PDE4D: variants seen among roughly 807,000 people sequenced by gnomAD.
PDE4D encodes phosphodiesterase 4D.
In PDE4D, 24 loss-of-function variants were observed where a neutral mutation model predicts 87.4. That is an observed-to-expected ratio of 0.27 (90% CI 0.20 to 0.39). The LOEUF is 0.39. Ranked by LOEUF, PDE4D falls within the 10% of genes least tolerant of loss-of-function variation. The pLI is 1.00. For missense variants in PDE4D, 714 were observed against 1,041.0 expected (o/e 0.69, Z 4.32); for synonymous variants, 384 against 383.2 (o/e 1.00, Z -0.02).
chr5:59,557,163 G>A (rs1819085328), intron 1 of PDE4D, among the ~76,000 whole-genome samples: 1 of 152,094 alleles, frequency 6.6e-6, no homozygotes. Flanking sequence ...GTAAACATAT[G>A]CCATAAGGAT....
At chr5:59,566,318 T>G (rs1454993016) in intron 1 of PDE4D, among the ~76,000 whole-genome samples, 1 of 152,184 alleles carries the variant, frequency 6.6e-6, no homozygotes, top group Non-Finnish European at 1.5e-5. Flanking sequence ...GCTCTTCTGC[T>G]GCCTTTATAT....
chr5:59,545,297 C>G (rs1435027484), intron 1 of PDE4D, among the ~76,000 whole-genome samples: 1 of 151,998 alleles, frequency 6.6e-6, no homozygotes, highest in Non-Finnish European at 1.5e-5. Flanking sequence ...AGCCAGTCAG[C>G]AACAGTGCTG....
intron 1 of PDE4D, among the ~76,000 whole-genome samples, chr5:60,405,042 C>A (rs2150053903): frequency 6.6e-6 from 1 of 152,334 alleles, no homozygotes; most frequent in East Asian, 1.9e-4. Context: ...TACAGACTAC[C>A]CGCTTTCAAC....
At chr5:59,763,564 A>C (rs1042896663) in intron 1 of PDE4D, among the ~76,000 whole-genome samples, 3 of 152,142 alleles carry the variant, frequency 2.0e-5, no homozygotes, top group Non-Finnish European at 4.4e-5. Flanking sequence ...TTACACCCCA[A>C]AACTGTGCTT....
At chr5:59,718,635 C>T (rs1373492006) in intron 1 of PDE4D, among the ~76,000 whole-genome samples, 1 of 152,000 alleles carries the variant, frequency 6.6e-6, no homozygotes, top group African/African-American at 2.4e-5. Context: ...AGCTATAAAC[C>T]AAGAGTAACA....
At chr5:60,063,443 T>G (rs1209937289) in intron 2 of PDE4D, among the ~76,000 whole-genome samples, 1 of 152,144 alleles carries the variant, frequency 6.6e-6, no homozygotes, top group East Asian at 1.9e-4. Flanking sequence ...GCAAAGATTA[T>G]AACAATGAGA....
chr5:59,265,304 C>T (rs547522673), intron 1 of PDE4D, among the ~76,000 whole-genome samples: 68 of 151,998 alleles, frequency 4.5e-4, no homozygotes, highest in African/African-American at 1.6e-3. Flanking sequence ...TTTAGCTTCC[C>T]ACTGACCACT....
chr5:60,261,430 C>T (rs1749635859), intron 1 of PDE4D, among the ~76,000 whole-genome samples: 2 of 152,120 alleles, frequency 1.3e-5, no homozygotes, highest in African/African-American at 4.8e-5. Flanking sequence ...GGAAGTACTT[C>T]TGAGAAGGCT....
At chr5:59,246,300 T>A (rs1388030769) in intron 1 of PDE4D, among the ~76,000 whole-genome samples, 1 of 152,060 alleles carries the variant, frequency 6.6e-6, no homozygotes, top group Non-Finnish European at 1.5e-5. Context: ...CAAACATATT[T>A]CAGCATCTGT....
chr5:58,998,854 A>C (rs1749822816), intron 6 of PDE4D, among the ~76,000 whole-genome samples: 2 of 152,200 alleles, frequency 1.3e-5, no homozygotes, highest in South Asian at 4.1e-4. Flanking sequence ...TAATGTTACC[A>C]CAGGGCATGG....
intron 1 of PDE4D, among the ~76,000 whole-genome samples, chr5:59,807,837 G>C (rs1767914862): frequency 6.6e-6 from 1 of 152,080 alleles, no homozygotes; most frequent in Non-Finnish European, 1.5e-5. Flanking sequence ...TGGTATGCAG[G>C]CTCCCACCTG....
chr5:60,197,840 C>CT (rs1391945040), intron 1 of PDE4D, among the ~76,000 whole-genome samples: 4 of 151,612 alleles, frequency 2.6e-5, no homozygotes, highest in Non-Finnish European at 5.9e-5. Flanking sequence ...TCTCAATCCT[C>CT]TGTCTCTTAG....
chr5:60,001,369 A>G (rs1018391529), intron 2 of PDE4D, among the ~76,000 whole-genome samples: 1 of 152,224 alleles, frequency 6.6e-6, no homozygotes, highest in African/African-American at 2.4e-5. Context: ...GAAAGAAAAA[A>G]GCCTGTCAAA....
intron 1 of PDE4D, among the ~76,000 whole-genome samples, chr5:59,563,907 G>A (rs1820464641): frequency 6.6e-6 from 1 of 152,208 alleles, no homozygotes; most frequent in Admixed American, 6.5e-5. Context: ...CTATAGAGCT[G>A]TTGAAAGAGA....
At chr5:59,239,669 C>T (rs1220187648) in intron 1 of PDE4D, among the ~76,000 whole-genome samples, 3 of 152,030 alleles carry the variant, frequency 2.0e-5, no homozygotes, top group Non-Finnish European at 4.4e-5. Flanking sequence ...TCCAATGGCC[C>T]CTTAGTAAAA....
intron 1 of PDE4D, among the ~76,000 whole-genome samples, chr5:59,634,604 T>C (rs530287688): frequency 6.6e-6 from 1 of 152,022 alleles, no homozygotes; most frequent in African/African-American, 2.4e-5. Context: ...CACAACTACA[T>C]GGAAAATCAA....
chr5:60,155,762 A>G (rs1781910956), intron 2 of PDE4D, among the ~76,000 whole-genome samples: 1 of 152,050 alleles, frequency 6.6e-6, no homozygotes, highest in Non-Finnish European at 1.5e-5. Context: ...ACCCAAGCTC[A>G]TATAATTTCA....
chr5:59,866,417 C>T (rs1004481174), intron 1 of PDE4D, among the ~76,000 whole-genome samples: 5 of 152,056 alleles, frequency 3.3e-5, no homozygotes, highest in East Asian at 1.9e-4. Context: ...AAAAATGTCT[C>T]GGGAAATGAG....
chr5:60,442,049 A>G (rs1745265557), intron 1 of PDE4D, among the ~76,000 whole-genome samples: 1 of 152,196 alleles, frequency 6.6e-6, no homozygotes, highest in African/African-American at 2.4e-5. Context: ...TCAAGGATCT[A>G]GAACCAGATA....
Sources: allele counts gnomAD v4.1 joint callset (sites outside exome capture counted in the v4.1 genomes callset), GRCh38; gene constraint gnomAD v4.1.1; transcripts MANE v1.5; gene names NCBI Gene and HGNC (gene_info 2026-07-23, HGNC 2026-07-21).